Variants in CFAP61 observed in about 807,000 individuals in gnomAD.
CFAP61 encodes cilia- and flagella-associated protein 61.
A neutral mutation model predicts 135.6 loss-of-function variants in CFAP61; 107 were observed. The ratio of observed to expected loss-of-function variants is 0.79; its 90% CI spans 0.67 to 0.93. The LOEUF is 0.93. Ranked by LOEUF, CFAP61 falls within the 40% of genes least tolerant of loss-of-function variation. The pLI is 0.00. For missense variants in CFAP61, 1,507 were observed against 1,556.2 expected, an observed-to-expected ratio of 0.97 and a Z score of 0.53; for synonymous variants, 575 against 578.5, an observed-to-expected ratio of 0.99 and a Z score of 0.09.
Position 20,053,992 on chromosome 20 carries a change from C to G in CFAP61, c.-37+1401C>G, listed in dbSNP as rs1031725439. Among the ~76,000 whole-genome samples the G allele has an allele frequency of 4.4e-5, 5 of 113,538 alleles. No homozygotes were observed. In the Admixed American group the frequency reaches 4.5e-4, roughly 10 times the overall value. The allele number at this position is 113,538 out of a possible 152,430, so 74.5% of individuals were successfully genotyped here. A position where few individuals can be genotyped will look rare whatever the true frequency, so the allele number is the denominator to read the frequency against. On this transcript the variant is annotated intron_variant, in intron 1 of 26. Coordinates refer to ENST00000245957, the MANE Select transcript of CFAP61 (RefSeq NM_015585.4). The stretch of plus-strand genomic sequence containing the variant: ...TGTTGTCTGGCAATTCAGTTCATCT[C>G]TGTGTGTGTTTTTTTTGTTTGTTTT...
chr20:20,145,228 A>G (rs2051775822), intron 9 of CFAP61, among the ~76,000 whole-genome samples: 1 of 152,184 alleles, frequency 6.6e-6, no homozygotes. Flanking sequence ...AATAAAATGT[A>G]TGACAAGAAT....
chr20:20,064,920 C>T (rs2045124820), intron 2 of CFAP61, among the ~76,000 whole-genome samples: 1 of 152,066 alleles, frequency 6.6e-6, no homozygotes, highest in Admixed American at 6.5e-5. Context: ...AGAGGCTTGC[C>T]AACTAAAGGT....
At chr20:20,085,475 G>A (rs1215305111) in intron 6 of CFAP61, 3 of 1,366,542 alleles carry the variant, frequency 2.2e-6, no homozygotes, top group South Asian at 2.3e-5. Context: ...TTAAGAGAGA[G>A]CCTCTTCAGA....
At position 20,106,000 on chromosome 20, in the gene CFAP61, C is replaced by CTATATATATATA. The variant is rs10523115; in HGVS notation, c.859+7225_859+7236dup. Among the ~76,000 whole-genome samples the CTATATATATATA allele has an allele frequency of 2.7e-4, 28 of 102,630 alleles. 1 individual carries two copies. The highest frequency in any genetic ancestry group is 3.4e-4 in the Non-Finnish European group (18 of 53,012). 67.3% of individuals were successfully genotyped at this position (102,630 alleles called of 152,430 possible). A position where few individuals can be genotyped will look rare whatever the true frequency, so the allele number is the denominator to read the frequency against. Reference sequence around the variant, plus strand: ...CTTCGAAAGCTTTAGCTACTCTTGCCTATATATATATATATATATATATAT... The same window carrying CTATATATATATA: ...CTTCGAAAGCTTTAGCTACTCTTGCCTATATATATATATATATATATATATATATATATATAT... On this transcript the variant is annotated intron_variant, in intron 8 of 26. Coordinates refer to ENST00000245957, the MANE Select transcript of CFAP61 (RefSeq NM_015585.4).
intron 12 of CFAP61, among the ~76,000 whole-genome samples, chr20:20,167,239 C>A (rs6035570): frequency 0.9 from 136,929 of 152,220 alleles, 62,406 homozygotes; most frequent in Middle Eastern, 0.99. Flanking sequence ...TTTTGTCTTA[C>A]AACTATGTGA....
At chr20:20,093,613 T>G (rs984228299) in intron 7 of CFAP61, among the ~76,000 whole-genome samples, 4 of 151,798 alleles carry the variant, frequency 2.6e-5, no homozygotes, top group South Asian at 2.1e-4. Context: ...TTTTGTATTT[T>G]TAGTAGAGAT....
intron 21 of CFAP61, among the ~76,000 whole-genome samples, chr20:20,272,583 A>T (rs1250548185): frequency 6.6e-6 from 1 of 152,196 alleles, no homozygotes; most frequent in Non-Finnish European, 1.5e-5. Flanking sequence ...ACTGGGACAC[A>T]TAACTGTCAG....
intron 9 of CFAP61, among the ~76,000 whole-genome samples, chr20:20,148,102 T>TTGG (rs764707389): frequency 3.1e-4 from 47 of 152,238 alleles, no homozygotes; most frequent in Non-Finnish European, 6.0e-4. Flanking sequence ...TTCTGTTCTG[T>TTGG]TGGTCTACAT....
At chr20:20,232,858 T>C (rs2049259890) in intron 18 of CFAP61, 1 of 152,210 alleles carries the variant, frequency 6.6e-6, no homozygotes, top group Non-Finnish European at 1.5e-5. Context: ...CGACCCTCCG[T>C]GTGACTAGAG....
intron 8 of CFAP61, among the ~76,000 whole-genome samples, chr20:20,112,258 A>G (rs2048849226): frequency 6.6e-6 from 1 of 152,200 alleles, no homozygotes; most frequent in African/African-American, 2.4e-5. Context: ...AATATCAGGC[A>G]AAGCAATACC....
chr20:20,315,603 G>A (rs2057082440), intron 25 of CFAP61, among the ~76,000 whole-genome samples: 2 of 151,478 alleles, frequency 1.3e-5, no homozygotes, highest in African/African-American at 4.8e-5. Context: ...TAGACATGAA[G>A]TCCTTGCCCA....
chr20:20,161,439 T>C (rs1360480924), intron 10 of CFAP61, among the ~76,000 whole-genome samples: 7 of 152,114 alleles, frequency 4.6e-5, no homozygotes, highest in Non-Finnish European at 8.8e-5. Flanking sequence ...AGAGGAGATA[T>C]TGGAAGATAA....
chr20:20,278,891 C>A (rs2053975387), intron 22 of CFAP61, among the ~76,000 whole-genome samples: 1 of 152,192 alleles, frequency 6.6e-6, no homozygotes, highest in Non-Finnish European at 1.5e-5. Flanking sequence ...AGGTCCCAGG[C>A]TCTGTCCTCG....
At chr20:20,081,560 A>G (rs946577978) in intron 6 of CFAP61, among the ~76,000 whole-genome samples, 2 of 152,194 alleles carry the variant, frequency 1.3e-5, no homozygotes, top group Non-Finnish European at 2.9e-5. Context: ...AGGAGAAAAG[A>G]TGTGGGATGT....
intron 8 of CFAP61, among the ~76,000 whole-genome samples, chr20:20,132,103 C>A (rs945247606): frequency 2.6e-5 from 4 of 152,054 alleles, no homozygotes; most frequent in Non-Finnish European, 5.9e-5. Flanking sequence ...AGGCTCCTAG[C>A]AACTACCATT....
intron 25 of CFAP61, among the ~76,000 whole-genome samples, chr20:20,312,675 TAAAGAG>T (rs1340295066): frequency 3.9e-5 from 6 of 152,026 alleles, no homozygotes; most frequent in African/African-American, 1.4e-4. Context: ...AAACCCACAA[TAAAGAG>T]AAAGTCTTAA....
chr20:20,334,995 A>G (rs1208112260), intron 25 of CFAP61, among the ~76,000 whole-genome samples: 6 of 152,242 alleles, frequency 3.9e-5, no homozygotes, highest in Admixed American at 3.9e-4. Flanking sequence ...ACTGAAATGC[A>G]TGAATTTACA....
intron 25 of CFAP61, among the ~76,000 whole-genome samples, chr20:20,309,355 TATGAA>T (rs1424700996): frequency 6.6e-6 from 1 of 152,172 alleles, no homozygotes; most frequent in Non-Finnish European, 1.5e-5. Flanking sequence ...ATGATTGCAC[TATGAA>T]ATGAAAAGAA....
chr20:20,331,723 A>G (rs1310457965), intron 25 of CFAP61, among the ~76,000 whole-genome samples: 3 of 151,694 alleles, frequency 2.0e-5, no homozygotes, highest in African/African-American at 7.3e-5. Context: ...TGTCCCCCTG[A>G]CTCGTGGGGG....
Sources: gnomAD v4.1 joint callset for allele counts (sites outside exome capture counted in the v4.1 genomes callset) on GRCh38, gnomAD v4.1.1 for gene constraint, MANE v1.5 for transcripts, NCBI Gene and HGNC (gene_info 2026-07-23, HGNC 2026-07-21) for gene names.